AKIRIN2: variants seen among roughly 807,000 people sequenced by gnomAD.
AKIRIN2 encodes the protein akirin-2.
A neutral mutation model predicts 29.3 loss-of-function variants in AKIRIN2; 6 were observed. That is an observed-to-expected ratio of 0.20 (90% CI 0.11 to 0.40). AKIRIN2 has a LOEUF of 0.40. Ranked by LOEUF, AKIRIN2 falls within the 10% of genes least tolerant of loss-of-function variation. The probability of loss-of-function intolerance (pLI) is 1.00; values close to 1 mark genes in which losing one functional copy is unlikely to be tolerated. For synonymous variants in AKIRIN2, 128 were observed against 117.5 expected (o/e 1.09, Z -0.58); for missense variants, 210 against 276.1 (o/e 0.76, Z 1.70).
chr6:87,691,953 T>C (rs188971738), intron 1 of AKIRIN2, among the ~76,000 whole-genome samples: 2 of 152,334 alleles, frequency 1.3e-5, no homozygotes, highest in Admixed American at 1.3e-4. Context: ...GTTCTTTTAC[T>C]TTCTCATGGA....
At chr6:87,692,826 T>C (rs141559556) in intron 1 of AKIRIN2, among the ~76,000 whole-genome samples, 10 of 151,534 alleles carry the variant, frequency 6.6e-5, no homozygotes, top group Non-Finnish European at 1.3e-4. Flanking sequence ...TAAATAAATA[T>C]CACAACGAGG....
chr6:87,696,626 G>A (rs927941036), intron 1 of AKIRIN2, among the ~76,000 whole-genome samples: 4 of 150,008 alleles, frequency 2.7e-5, no homozygotes, highest in South Asian at 2.1e-4. Flanking sequence ...GCGTGAACCC[G>A]GGAGGCAGAG....
In AKIRIN2 at chr6:87,677,971, T is replaced by C. The variant is rs1265206535; in HGVS notation, c.380-4A>G. 2 of 1,609,110 alleles carry C rather than the reference T, an allele frequency of 1.2e-6. No individual in the cohort carries two copies. Among genetic ancestry groups the C allele is most frequent in the Non-Finnish European group, 8.5e-7 (1 of 1,177,892 alleles). ...GAGGATGCTGCAGATGAAGTCCCTA[T>C]GTACAATGAGGACAAAAAATAGCAC... On this transcript the variant is annotated splice_region_variant and splice_polypyrimidine_tract_variant and intron_variant, in intron 2 of 4. Transcript: ENST00000257787.
intron 2 of AKIRIN2, among the ~76,000 whole-genome samples, chr6:87,678,372 G>C (rs1242593334): frequency 1.3e-5 from 2 of 151,752 alleles, no homozygotes; most frequent in Admixed American, 6.6e-5. Flanking sequence ...CATGGTGGCG[G>C]GCACCTGTAA....
chr6:87,702,179 G>C lies in AKIRIN2; in HGVS notation c.-495C>G. 1 of 398,318 alleles carries C rather than the reference G, an allele frequency of 2.5e-6. No homozygotes were observed. Among genetic ancestry groups the C allele is most frequent in the Non-Finnish European group, 4.4e-6 (1 of 225,900 alleles). The allele number at this position is 398,318 out of a possible 1,614,324, so 24.7% of individuals were successfully genotyped here. ...GCAGAGAGATTGCGAGGTAGCTGCC[G>C]CAGCAGGAACCCAAGCGAACACGTC... On this transcript the variant is annotated 5_prime_UTR_variant, in exon 1 of 5. Coordinates refer to ENST00000257787, the MANE Select transcript of AKIRIN2 (RefSeq NM_018064.4).
rs1771456697 is a variant in AKIRIN2 at position 87,701,152 on chromosome 6, GA to G, written c.235+297del. Among the ~76,000 whole-genome samples the G allele has an allele frequency of 2.0e-5, 3 of 152,054 alleles. No individual in the cohort carries two copies. The South Asian group carries it at 6.2e-4, about 32-fold the overall frequency. On this transcript the variant is annotated intron_variant, in intron 1 of 4. Coordinates refer to ENST00000257787, the MANE Select transcript of AKIRIN2 (RefSeq NM_018064.4). ...TTCCGCTGGGGCTCCAGCGACTACG[GA>G]AACAATTCCAATCATTCGGCCCAAA...
rs112353955 is a variant in AKIRIN2, at chr6:87,676,596, A to AACACACACAC, written c.530-675_530-666dup. On this transcript the variant is annotated intron_variant, in intron 3 of 4. Coordinates refer to ENST00000257787, the MANE Select transcript of AKIRIN2 (RefSeq NM_018064.4). ...ATGGTGAAACCCCGTCTCTACTAAA[A>AACACACACAC]ACACACACACACACACACACACACA... 5.5e-3 allele frequency among the ~76,000 whole-genome samples: 784 copies of AACACACACAC among 142,130 alleles called. 14 individuals are homozygous for AACACACACAC. Among genetic ancestry groups the AACACACACAC allele is most frequent in the African/African-American group, 0.018 (668 of 37,040 alleles). 93.2% of individuals were successfully genotyped at this position (142,130 alleles called of 152,430 possible).
At chr6:87,692,950 C>T (rs1771298583) in intron 1 of AKIRIN2, among the ~76,000 whole-genome samples, 1 of 149,572 alleles carries the variant, frequency 6.7e-6, no homozygotes, top group African/African-American at 2.5e-5. Flanking sequence ...AATAACTGGT[C>T]GGGCGCAGTG....
rs1582127673 is a variant in AKIRIN2 at position 87,700,023 on chromosome 6, T to C, written c.235+1427A>G. Among the ~76,000 whole-genome samples, 4 of 152,184 alleles carry C rather than the reference T, an allele frequency of 2.6e-5. No individual in the cohort carries two copies. In the South Asian group the frequency reaches 6.2e-4, roughly 24 times the overall value. On this transcript the variant is annotated intron_variant, in intron 1 of 4. Coordinates refer to ENST00000257787, the MANE Select transcript of AKIRIN2 (RefSeq NM_018064.4). ...AACCACCAGTAGCTCATTCTTGACATTGGCTGTTTCCTTTTTTTTTTCCCA... is the reference window on the plus strand; with the variant it reads ...AACCACCAGTAGCTCATTCTTGACACTGGCTGTTTCCTTTTTTTTTTCCCA...
At chr6:87,690,464 C>T (rs1397407585) in intron 1 of AKIRIN2, among the ~76,000 whole-genome samples, 1 of 152,134 alleles carries the variant, frequency 6.6e-6, no homozygotes. Flanking sequence ...GTCAGACATA[C>T]CCCTCCTGTA....
rs1771422957 is a variant in AKIRIN2 at position 87,699,445 on chromosome 6, A to C, written c.235+2005T>G. 3.9e-4 allele frequency among the ~76,000 whole-genome samples: 8 copies of C among 20,444 alleles called. No individual in the cohort carries two copies. In the South Asian group the frequency reaches 0.011, roughly 28 times the overall value. The allele number at this position is 20,444 out of a possible 152,430, so 13.4% of individuals were successfully genotyped here. A position where few individuals can be genotyped will look rare whatever the true frequency, so the allele number is the denominator to read the frequency against. On this transcript the variant is annotated intron_variant, in intron 1 of 4. Coordinates refer to ENST00000257787, the MANE Select transcript of AKIRIN2 (RefSeq NM_018064.4). ...AGTAAACTTTTTGCGATAATATTCA[A>C]ATTAGTTTGGAAATAACTTTTAGCA...
intron 3 of AKIRIN2, 96 bp from the exon 4 acceptor site, chr6:87,676,027 T>C (rs1770968640): frequency 5.8e-6 from 6 of 1,031,524 alleles, no homozygotes; most frequent in African/African-American, 3.2e-5. Context: ...CAATTCTAAG[T>C]TGACAAAATC....
In AKIRIN2 at chr6:87,701,438, G is replaced by A; in HGVS notation, c.235+12C>T. ...TCTCCACTACCCCGGCGGCCGCGGG[G>A]CCGGGTCCCACCTGTGGTGAGGCGG... On this transcript the variant is annotated intron_variant, in intron 1 of 4. Transcript: ENST00000257787. The A allele has an allele frequency of 6.5e-7, 1 of 1,531,180 alleles. No homozygotes were observed. 94.8% of individuals were successfully genotyped at this position (1,531,180 alleles called of 1,614,324 possible). A position where few individuals can be genotyped will look rare whatever the true frequency, so the allele number is the denominator to read the frequency against.
chr6:87,696,650 G>A (rs1414611893), intron 1 of AKIRIN2, among the ~76,000 whole-genome samples: 8 of 142,738 alleles, frequency 5.6e-5, no homozygotes, highest in African/African-American at 1.3e-4. Context: ...GCAGTGAGCC[G>A]AGATTGTGCC....
At chr6:87,689,545 A>G (rs1771245621) in intron 1 of AKIRIN2, among the ~76,000 whole-genome samples, 1 of 152,236 alleles carries the variant, frequency 6.6e-6, no homozygotes. Flanking sequence ...ACTCAGCCCC[A>G]TGGACATGAT....
intron 1 of AKIRIN2, among the ~76,000 whole-genome samples, chr6:87,690,842 G>A (rs571580595): frequency 1.3e-5 from 2 of 151,896 alleles, no homozygotes; most frequent in East Asian, 1.9e-4. Flanking sequence ...GCATAATGGC[G>A]GGCACCTGTA....
intron 4 of AKIRIN2, 30 bp from the exon 5 acceptor site, chr6:87,675,637 A>G: frequency 6.2e-7 from 1 of 1,612,740 alleles, no homozygotes; most frequent in Non-Finnish European, 8.5e-7. Context: ...AAATTAGTGC[A>G]AAATACAGGT....
intron 2 of AKIRIN2, among the ~76,000 whole-genome samples, chr6:87,679,604 TAAC>T (rs781764753): frequency 1.3e-5 from 2 of 152,202 alleles, no homozygotes; most frequent in Admixed American, 6.5e-5. Context: ...CCCATTAAGT[TAAC>T]AACAATTCGC....
At chr6:87,684,092 G>A (rs939505418) in intron 1 of AKIRIN2, among the ~76,000 whole-genome samples, 8 of 151,924 alleles carry the variant, frequency 5.3e-5, no homozygotes, top group African/African-American at 1.9e-4. Flanking sequence ...TACTAGTTTG[G>A]AGTAACTTGA....
Sources: allele counts gnomAD v4.1 joint callset (sites outside exome capture counted in the v4.1 genomes callset), GRCh38; gene constraint gnomAD v4.1.1; transcripts MANE v1.5; gene names NCBI Gene and HGNC (gene_info 2026-07-23, HGNC 2026-07-21).